GRIN2B: variants seen among roughly 807,000 people sequenced by gnomAD.
GRIN2B encodes the protein glutamate receptor ionotropic, NMDA 2B.
A neutral mutation model predicts 114.5 loss-of-function variants in GRIN2B; 5 were observed. The observed-to-expected ratio is 0.04, with a 90% CI of 0.02 to 0.09. The LOEUF is 0.09. Among genes scored for constraint, GRIN2B ranks in the 10% least tolerant of loss-of-function variants. GRIN2B has a pLI of 1.00. For synonymous variants in GRIN2B, 787 were observed against 745.1 expected (o/e 1.06, Z -0.92); for missense variants, 1,108 against 1,943.5 (o/e 0.57, Z 8.08).
intron 4 of GRIN2B, among the ~76,000 whole-genome samples, chr12:13,749,146 T>C (rs1014679757): frequency 2.0e-5 from 3 of 152,194 alleles, no homozygotes; most frequent in African/African-American, 7.2e-5. Flanking sequence ...CATTTAAGGA[T>C]CCTCCCTGAG....
At chr12:13,807,148 A>G (rs765969059) in intron 3 of GRIN2B, among the ~76,000 whole-genome samples, 2 of 152,184 alleles carry the variant, frequency 1.3e-5, no homozygotes, top group Non-Finnish European at 2.9e-5. Context: ...GTTAATGAAC[A>G]GGGTGCAAGT....
intron 5 of GRIN2B, among the ~76,000 whole-genome samples, chr12:13,619,070 C>T (rs915965239): frequency 6.6e-6 from 1 of 151,980 alleles, no homozygotes; most frequent in Admixed American, 6.6e-5. Context: ...TTCTTAGAAG[C>T]GGCCTGGGTA....
intron 4 of GRIN2B, among the ~76,000 whole-genome samples, chr12:13,736,641 A>G (rs1863189056): frequency 6.6e-6 from 1 of 152,206 alleles, no homozygotes. Flanking sequence ...CACTTACACT[A>G]TCAGTCATTG....
chr12:13,606,474 G>T (rs182531046), intron 10 of GRIN2B, among the ~76,000 whole-genome samples: 101 of 152,300 alleles, frequency 6.6e-4, no homozygotes, highest in African/African-American at 2.3e-3. Context: ...TCCCAAGGGA[G>T]CCACTAATCT....
At chr12:13,874,598 T>G (rs1294285995) in intron 2 of GRIN2B, among the ~76,000 whole-genome samples, 1 of 152,234 alleles carries the variant, frequency 6.6e-6, no homozygotes, top group Non-Finnish European at 1.5e-5. Flanking sequence ...GTGTGGGCAC[T>G]GCTGAAATCC....
chr12:13,607,393 T>A lies in GRIN2B; in HGVS notation c.2010+1210A>T, dbSNP rs1169730395. 2.6e-3 allele frequency among the ~76,000 whole-genome samples: 187 copies of A among 71,442 alleles called. 5 individuals carry two copies. The highest frequency in any genetic ancestry group is 9.6e-3 in the African/African-American group (147 of 15,282). 46.9% of individuals were successfully genotyped at this position (71,442 alleles called of 152,430 possible). On this transcript the variant is annotated intron_variant, in intron 10 of 13. Coordinates refer to ENST00000609686, the MANE Select transcript of GRIN2B (RefSeq NM_000834.5). ...TATATATTATATATATAATATATAT[T>A]ATATATAATATATAAAATATATAAT...
chr12:13,748,692 C>A (rs904495598), intron 4 of GRIN2B, among the ~76,000 whole-genome samples: 1 of 152,140 alleles, frequency 6.6e-6, no homozygotes, highest in African/African-American at 2.4e-5. Context: ...CTTAGCATGT[C>A]TTGGGCTATA....
At chr12:13,975,519 T>A (rs2136877019) in intron 2 of GRIN2B, among the ~76,000 whole-genome samples, 1 of 152,312 alleles carries the variant, frequency 6.6e-6, no homozygotes, top group African/African-American at 2.4e-5. Context: ...AAGTTCAGAG[T>A]AGATGCTTTC....
chr12:13,915,573 C>A (rs1866702698), intron 2 of GRIN2B, among the ~76,000 whole-genome samples: 1 of 152,216 alleles, frequency 6.6e-6, no homozygotes, highest in African/African-American at 2.4e-5. Context: ...AAATTTATAT[C>A]CACAGTGTCC....
At chr12:13,851,507 A>G (rs1865565875) in intron 3 of GRIN2B, among the ~76,000 whole-genome samples, 1 of 152,222 alleles carries the variant, frequency 6.6e-6, no homozygotes, top group South Asian at 2.1e-4. Flanking sequence ...TCAAACTGGG[A>G]AGTTTATAAA....
At chr12:13,709,317 GA>G (rs369222156) in intron 4 of GRIN2B, among the ~76,000 whole-genome samples, 4 of 151,754 alleles carry the variant, frequency 2.6e-5, no homozygotes, top group Non-Finnish European at 5.9e-5. Context: ...GCTTGTACAA[GA>G]AAAAAACAAT....
chr12:13,576,963 AAC>A (rs1306691085), intron 10 of GRIN2B, among the ~76,000 whole-genome samples: 14 of 152,210 alleles, frequency 9.2e-5, no homozygotes, highest in African/African-American at 2.9e-4. Flanking sequence ...ATAGGAAAAT[AAC>A]ACAGACAGGA....
At chr12:13,778,232 C>T (rs1390025124) in intron 3 of GRIN2B, among the ~76,000 whole-genome samples, 1 of 152,190 alleles carries the variant, frequency 6.6e-6, no homozygotes, top group African/African-American at 2.4e-5. Flanking sequence ...ATATCAAGAA[C>T]AGCTTCTCCC....
intron 5 of GRIN2B, among the ~76,000 whole-genome samples, chr12:13,642,476 C>T (rs1949728435): frequency 6.6e-6 from 1 of 152,058 alleles, no homozygotes. Context: ...AATGTGCCTT[C>T]CAGATCCAAG....
intron 5 of GRIN2B, among the ~76,000 whole-genome samples, chr12:13,643,492 C>G (rs969272269): frequency 6.6e-6 from 1 of 152,110 alleles, no homozygotes; most frequent in African/African-American, 2.4e-5. Flanking sequence ...CTCGCCTCCA[C>G]GTTGATGGCT....
chr12:13,775,247 G>A (rs115020292), intron 3 of GRIN2B, among the ~76,000 whole-genome samples: 47 of 152,274 alleles, frequency 3.1e-4, no homozygotes, highest in African/African-American at 1.1e-3. Context: ...ATAAACAGAA[G>A]ATAACATAAT....
rs892765213 is a variant in GRIN2B at position 13,553,654 on chromosome 12, C to G, written c.*9129G>C. On this transcript the variant is annotated 3_prime_UTR_variant, in exon 14 of 14. Transcript: ENST00000609686. Reference sequence around the variant, plus strand: ...AGTGAGCCAGAACTGTGACAAGGTTCTTTTGGTGCTGAAAGTGTTAAAAAA... The same window carrying G: ...AGTGAGCCAGAACTGTGACAAGGTTGTTTTGGTGCTGAAAGTGTTAAAAAA... 2 of 152,160 alleles carry G rather than the reference C, an allele frequency of 1.3e-5. No homozygotes were observed. Among genetic ancestry groups the G allele is most frequent in the African/African-American group, 4.8e-5 (2 of 41,428 alleles). 9.4% of individuals were successfully genotyped at this position (152,160 alleles called of 1,614,324 possible). A position where few individuals can be genotyped will look rare whatever the true frequency, so the allele number is the denominator to read the frequency against.
chr12:13,792,776 C>CAAG lies in GRIN2B; in HGVS notation c.412-38862_412-38861insCTT, dbSNP rs72525740. ...ATAGTGGTCCCCACTGCAATTAGAA[C>CAAG]AGGAAACATTGGCAGCACCCAGGAA... On this transcript the variant is annotated intron_variant, in intron 3 of 13. Transcript: ENST00000609686. 3.9e-5 allele frequency among the ~76,000 whole-genome samples: 6 copies of CAAG among 151,902 alleles called. No homozygotes were observed. In the East Asian group the frequency reaches 1.2e-3, roughly 29 times the overall value.
At chr12:13,908,563 A>T (rs1338217758) in intron 2 of GRIN2B, among the ~76,000 whole-genome samples, 1 of 152,186 alleles carries the variant, frequency 6.6e-6, no homozygotes, top group Non-Finnish European at 1.5e-5. Flanking sequence ...CTCAGAGCAA[A>T]ATTCTTAACT....
Sources: gnomAD v4.1 joint callset for allele counts (sites outside exome capture counted in the v4.1 genomes callset) on GRCh38, gnomAD v4.1.1 for gene constraint, MANE v1.5 for transcripts, NCBI Gene and HGNC (gene_info 2026-07-23, HGNC 2026-07-21) for gene names.